STEAP1: variants seen among roughly 807,000 people sequenced by gnomAD.
STEAP1 encodes the protein STEAP1 protein.
STEAP1 carries 30 observed loss-of-function variants against 34.4 expected under a neutral mutation model. The ratio of observed to expected loss-of-function variants is 0.87; its 90% CI spans 0.65 to 1.18. The LOEUF (loss-of-function observed/expected upper bound fraction) is 1.18, where lower values mean the gene tolerates loss of function less well. Ranked by LOEUF, STEAP1 falls within the 50% of genes most tolerant of loss-of-function variation. STEAP1 has a pLI of 0.00. For synonymous variants in STEAP1, 116 were observed against 135.3 expected, an observed-to-expected ratio of 0.86 and a Z score of 0.99; for missense variants, 318 against 391.1, an observed-to-expected ratio of 0.81 and a Z score of 1.58.
At chr7:90,158,563 G>A (rs1004839468) in intron 1 of STEAP1, among the ~76,000 whole-genome samples, 14 of 151,746 alleles carry the variant, frequency 9.2e-5, no homozygotes, top group African/African-American at 3.4e-4. Flanking sequence ...TCTATATCTT[G>A]TCCCACTGGA....
intron 1 of STEAP1, among the ~76,000 whole-genome samples, chr7:90,155,291 A>T (rs974315978): frequency 1.3e-5 from 2 of 152,150 alleles, no homozygotes; most frequent in African/African-American, 4.8e-5. Context: ...GACTTCACTT[A>T]GTTAAATGTA....
chr7:90,158,619 A>T (rs1201798118), intron 1 of STEAP1, among the ~76,000 whole-genome samples: 1 of 152,202 alleles, frequency 6.6e-6, no homozygotes, highest in African/African-American at 2.4e-5. Context: ...ATCTTCTATG[A>T]TAACAATGCC....
At chr7:90,162,941 T>C in intron 4 of STEAP1, 1 of 327,330 alleles carries the variant, frequency 3.1e-6, no homozygotes, top group Admixed American at 3.0e-5. Context: ...TAAAAATATC[T>C]CAGATTTACT....
chr7:90,161,823 TA>T (rs943010504), intron 3 of STEAP1, 90 bp from the exon 4 acceptor site: 2 of 1,490,468 alleles, frequency 1.3e-6, no homozygotes, highest in African/African-American at 2.8e-5. Flanking sequence ...CAGGGCTTCA[TA>T]GTAGGCACAG....
At chr7:90,157,924 AG>A (rs1350627005) in intron 1 of STEAP1, among the ~76,000 whole-genome samples, 2 of 152,296 alleles carry the variant, frequency 1.3e-5, no homozygotes, top group East Asian at 3.9e-4. Flanking sequence ...ACATAAACTT[AG>A]ATGGTACAGC....
chr7:90,157,898 A>G (rs1794135124), intron 1 of STEAP1, among the ~76,000 whole-genome samples: 1 of 152,178 alleles, frequency 6.6e-6, no homozygotes, highest in Non-Finnish European at 1.5e-5. Context: ...TTGAGGAAAC[A>G]TCATAGAGTG....
intron 1 of STEAP1, among the ~76,000 whole-genome samples, 163 bp downstream of exon 1, chr7:90,154,706 T>C (rs1283708062): frequency 1.3e-5 from 2 of 152,176 alleles, no homozygotes; most frequent in East Asian, 3.9e-4. Context: ...TGCTCAATTC[T>C]CCGCTTATGC....
chr7:90,160,201 T>C (rs1041524092), intron 2 of STEAP1, among the ~76,000 whole-genome samples: 1 of 141,292 alleles, frequency 7.1e-6, no homozygotes, highest in Non-Finnish European at 1.6e-5. Context: ...AGTTCTAAGT[T>C]AAAAAAAAAA....
At chr7:90,158,076 A>G (rs1794136661) in intron 1 of STEAP1, among the ~76,000 whole-genome samples, 1 of 152,236 alleles carries the variant, frequency 6.6e-6, no homozygotes, top group South Asian at 2.1e-4. Context: ...AAGGTATAGT[A>G]AACATACATA....
intron 4 of STEAP1, among the ~76,000 whole-genome samples, chr7:90,164,226 G>C (rs2108052): frequency 0.1 from 15,928 of 152,130 alleles, 1,036 homozygotes; most frequent in Non-Finnish European, 0.14. Context: ...CAAAGTTTTT[G>C]ATCACCTGCC....
intron 1 of STEAP1, among the ~76,000 whole-genome samples, chr7:90,158,691 T>G (rs1794146158): frequency 6.6e-6 from 1 of 152,168 alleles, no homozygotes; most frequent in Non-Finnish European, 1.5e-5. Flanking sequence ...TCTTTTTTTG[T>G]AAGTAGAAGG....
intron 1 of STEAP1, 86 bp from the exon 2 acceptor site, chr7:90,159,672 A>T: frequency 1.5e-6 from 1 of 667,830 alleles, no homozygotes; most frequent in Non-Finnish European, 2.2e-6. Context: ...TCTAGTCTTT[A>T]AGTAAGTAAA....
At chr7:90,159,953 G>T in intron 2 of STEAP1, 81 bp downstream of exon 2, 1 of 1,004,094 alleles carries the variant, frequency 1.0e-6, no homozygotes, top group Middle Eastern at 3.7e-4. Flanking sequence ...ATCTCCTAGT[G>T]TTATGAAAGT....
Position 90,164,492 on chromosome 7 carries a change from G to A in STEAP1, c.778G>A (p.Val260Ile). 6.2e-7 allele frequency: 1 copy of A among 1,603,210 alleles called. No homozygotes were observed. The highest frequency in any genetic ancestry group is 8.5e-7 in the Non-Finnish European group (1 of 1,174,112). ...TCTTTTGCAGAGCAAGCTAGGAATTGTTTCCCTTCTACTGGGCACAATACA... is the reference window on the plus strand; with the variant it reads ...TCTTTTGCAGAGCAAGCTAGGAATTATTTCCCTTCTACTGGGCACAATACA... The part of the protein sequence containing the change: ...FHYIQSKLGI[V>I]SLLLGTIHAL... The change falls in exon 5 of 5, where the codon GTT (valine) becomes ATT (isoleucine). Residue 260 changes from valine (V) to isoleucine (I), a missense_variant. Transcript: ENST00000297205.
At chr7:90,163,287 G>A (rs1302915180) in intron 4 of STEAP1, among the ~76,000 whole-genome samples, 1 of 152,118 alleles carries the variant, frequency 6.6e-6, no homozygotes, top group Non-Finnish European at 1.5e-5. Context: ...ATAACCACTG[G>A]AGTTCTTTGG....
chr7:90,158,382 A>G (rs1243806256), intron 1 of STEAP1, among the ~76,000 whole-genome samples: 1 of 152,178 alleles, frequency 6.6e-6, no homozygotes, highest in Non-Finnish European at 1.5e-5. Context: ...AAACATAGTC[A>G]CATTGTACAG....
chr7:90,163,442 G>A (rs1794211556), intron 4 of STEAP1, among the ~76,000 whole-genome samples: 1 of 152,040 alleles, frequency 6.6e-6, no homozygotes, highest in Non-Finnish European at 1.5e-5. Flanking sequence ...GCCCATAATA[G>A]GTATACAATA....
In STEAP1 at chr7:90,164,724, C is replaced by A; in HGVS notation, c.1010C>A (p.Ser337Tyr). The A allele has an allele frequency of 6.2e-7, 1 of 1,610,202 alleles. No individual in the cohort carries two copies. The highest frequency in any genetic ancestry group is 1.1e-5 in the South Asian group (1 of 90,442). The change falls in exon 5 of 5, where the codon TCC (serine) becomes TAC (tyrosine). Residue 337 changes from serine (S) to tyrosine (Y), a missense_variant. Transcript: ENST00000297205. The stretch of plus-strand genomic sequence containing the variant: ...AAAATTAACAAAACTGAGATATGTT[C>A]CCAGTTGTAGAATTACTGTTTACAC... ...VTKINKTEIC[S>Y]QL
rs567800143 is a variant in STEAP1 at position 90,157,151 on chromosome 7, T to G, written c.-31-2607T>G. Among the ~76,000 whole-genome samples, 69 of 152,220 alleles carry G rather than the reference T, an allele frequency of 4.5e-4. No individual in the cohort carries two copies. In the South Asian group the frequency reaches 5.4e-3, roughly 12 times the overall value. On this transcript the variant is annotated intron_variant, in intron 1 of 4. Coordinates refer to ENST00000297205, the MANE Select transcript of STEAP1 (RefSeq NM_012449.3). Reference sequence around the variant, plus strand: ...TCAGAATTCTTTTACATGCCAGTGGTGAACACCCAAATCACACTAACTTAA... The same window carrying G: ...TCAGAATTCTTTTACATGCCAGTGGGGAACACCCAAATCACACTAACTTAA...
Sources: gnomAD v4.1 joint callset for allele counts (sites outside exome capture counted in the v4.1 genomes callset) on GRCh38, gnomAD v4.1.1 for gene constraint, MANE v1.5 for transcripts, NCBI Gene and HGNC (gene_info 2026-07-23, HGNC 2026-07-21) for gene names.